CDON: variants seen among roughly 807,000 people sequenced by gnomAD.
CDON encodes cell adhesion molecule-related/down-regulated by oncogenes.
A neutral mutation model predicts 120.9 loss-of-function variants in CDON; 73 were observed. The ratio of observed to expected loss-of-function variants is 0.60; its 90% CI spans 0.50 to 0.73. CDON has a LOEUF of 0.73. Among genes scored for constraint, CDON ranks in the 30% least tolerant of loss-of-function variants. The pLI, the probability that CDON is intolerant of heterozygous loss-of-function variation, is 0.00. For synonymous variants in CDON, 566 were observed against 573.5 expected (o/e 0.99, Z 0.19); for missense variants, 1,470 against 1,587.3 (o/e 0.93, Z 1.26).
chr11:126,057,352 CATAA>C (rs1948705125), intron 1 of CDON, among the ~76,000 whole-genome samples: 1 of 152,156 alleles, frequency 6.6e-6, no homozygotes, highest in African/African-American at 2.4e-5. Flanking sequence ...GTACTGTATA[CATAA>C]ATAAATGTTA....
chr11:125,965,029 C>G (rs547857190), intron 18 of CDON, among the ~76,000 whole-genome samples: 2 of 152,232 alleles, frequency 1.3e-5, no homozygotes, highest in East Asian at 3.9e-4. Flanking sequence ...CGGGTTCAAG[C>G]AATTCTCCTG....
chr11:126,012,215 T>C (rs2134639755), intron 7 of CDON, among the ~76,000 whole-genome samples: 1 of 152,312 alleles, frequency 6.6e-6, no homozygotes, highest in East Asian at 1.9e-4. Context: ...TGATGGGATT[T>C]TAATTTGAAT....
In CDON at chr11:125,960,515, G is replaced by A. The variant is rs1945613225; in HGVS notation, c.*427C>T. 2.0e-5 allele frequency: 4 copies of A among 195,398 alleles called. No homozygotes were observed. Among genetic ancestry groups the A allele is most frequent in the Non-Finnish European group, 4.2e-5 (4 of 95,054 alleles). The allele number at this position is 195,398 out of a possible 1,614,324, so 12.1% of individuals were successfully genotyped here. A position where few individuals can be genotyped will look rare whatever the true frequency, so the allele number is the denominator to read the frequency against. ...AAAAAACAAACAAAAAAAAGTCTGA[G>A]AATACACTATTGAAAGACCATTTTC... is the stretch of plus-strand genomic sequence containing the variant. On this transcript the variant is annotated 3_prime_UTR_variant, in exon 20 of 20. Coordinates refer to ENST00000531738, the MANE Select transcript of CDON (RefSeq NM_001378964.1).
At position 125,984,111 on chromosome 11, in the gene CDON, G is replaced by A. The variant is rs1368482445; in HGVS notation, c.2774-18C>T. Reference sequence around the variant, plus strand: ...ACGTTTCACTAGTTGAAATATAAAGGAAAACATGATGTCAGAGTGAATACA... The same window carrying A: ...ACGTTTCACTAGTTGAAATATAAAGAAAAACATGATGTCAGAGTGAATACA... On this transcript the variant is annotated intron_variant, in intron 15 of 19. Coordinates refer to ENST00000531738, the MANE Select transcript of CDON (RefSeq NM_001378964.1). 6.5e-7 allele frequency: 1 copy of A among 1,536,082 alleles called. No individual in the cohort carries two copies. Among genetic ancestry groups the A allele is most frequent in the South Asian group, 1.1e-5 (1 of 89,512 alleles).
At chr11:126,016,908 T>C (rs575315863) in intron 6 of CDON, among the ~76,000 whole-genome samples, 180 bp downstream of exon 6, 15 of 152,282 alleles carry the variant, frequency 9.9e-5, no homozygotes, top group Admixed American at 8.5e-4. Flanking sequence ...AAATGCTCTA[T>C]GCCACCCAGA....
chr11:126,050,090 T>C (rs1591432822), intron 1 of CDON, among the ~76,000 whole-genome samples: 1 of 151,660 alleles, frequency 6.6e-6, no homozygotes, highest in African/African-American at 2.4e-5. Flanking sequence ...TTTAGAAGAA[T>C]GAGTTTAAAA....
At chr11:126,037,285 G>C (rs1335656185) in intron 1 of CDON, among the ~76,000 whole-genome samples, 1 of 151,938 alleles carries the variant, frequency 6.6e-6, no homozygotes, top group East Asian at 1.9e-4. Context: ...ATTTTTAGTA[G>C]AGATGGGTTT....
At chr11:126,012,565 CT>C (rs755134644) in intron 7 of CDON, among the ~76,000 whole-genome samples, 8,861 of 135,024 alleles carry the variant, frequency 0.066, 257 homozygotes, top group African/African-American at 0.11. Flanking sequence ...CCATGCCTGG[CT>C]TTTTTTTTTT....
At chr11:126,019,502 T>C (rs185059519) in intron 4 of CDON, 117 bp downstream of exon 4, 3 of 1,104,514 alleles carry the variant, frequency 2.7e-6, no homozygotes, top group Non-Finnish European at 4.1e-6. Context: ...GTTTTAGTCC[T>C]CTCCACTCAT....
intron 14 of CDON, among the ~76,000 whole-genome samples, chr11:125,993,148 T>C (rs1946677369): frequency 1.3e-5 from 2 of 152,216 alleles, no homozygotes; most frequent in South Asian, 2.1e-4. Context: ...AAGGTAGCTA[T>C]CGTGTTGCTT....
chr11:125,997,177 T>A, intron 12 of CDON, 30 bp downstream of exon 12: 1 of 1,478,728 alleles, frequency 6.8e-7, no homozygotes, highest in Non-Finnish European at 9.5e-7. Context: ...TTCACATCGA[T>A]GGTAAAAGGA....
chr11:125,968,295 C>CT lies in CDON; in HGVS notation c.3357-6298dup, dbSNP rs201323499. Among the ~76,000 whole-genome samples the CT allele has an allele frequency of 5.8e-3, 879 of 152,274 alleles. 4 individuals are homozygous for CT. The highest frequency in any genetic ancestry group is 0.019 in the African/African-American group (810 of 41,562). ...CCTTCTGCTTCCTTCTGTTTAATTT[C>CT]TTTTTTTCTGCTCTTGTCTTTAATT... On this transcript the variant is annotated intron_variant, in intron 18 of 19. Transcript: ENST00000531738.
At chr11:125,972,374 C>T (rs765339443) in intron 18 of CDON, among the ~76,000 whole-genome samples, 1 of 151,988 alleles carries the variant, frequency 6.6e-6, no homozygotes, top group Non-Finnish European at 1.5e-5. Flanking sequence ...TTGCAGTGAG[C>T]CAAGACTACA....
chr11:126,004,079 G>T lies in CDON; in HGVS notation c.1852-3C>A. ...AGCATGCCAACCCCATCATCCAGCT[G>T]CCCAAGAGAAAACACACCAGAAAAG... On this transcript the variant is annotated splice_polypyrimidine_tract_variant and splice_region_variant and intron_variant, in intron 9 of 19. Transcript: ENST00000531738. 1.2e-6 allele frequency: 2 copies of T among 1,613,630 alleles called. No homozygotes were observed. Among genetic ancestry groups the T allele is most frequent in the Non-Finnish European group, 8.5e-7 (1 of 1,179,898 alleles).
At chr11:126,023,290 G>C in intron 2 of CDON, 111 bp downstream of exon 2, 1 of 823,966 alleles carries the variant, frequency 1.2e-6, no homozygotes, top group African/African-American at 1.7e-5. Flanking sequence ...ACCAATCTTA[G>C]AAACATCTTT....
intron 2 of CDON, 56 bp from the exon 3 acceptor site, chr11:126,021,576 A>C: frequency 6.8e-7 from 1 of 1,476,748 alleles, no homozygotes; most frequent in Non-Finnish European, 9.4e-7. Context: ...GAGGAGAGAG[A>C]AAGAAGATTA....
In CDON at chr11:125,959,335, TA is replaced by T. The variant is rs1398641317; in HGVS notation, c.*1606del. 6.6e-6 allele frequency: 1 copy of T among 152,226 alleles called. No homozygotes were observed. The highest frequency in any genetic ancestry group is 1.5e-5 in the Non-Finnish European group (1 of 68,036). The allele number at this position is 152,226 out of a possible 1,614,324, so 9.4% of individuals were successfully genotyped here. Reference sequence around the variant, plus strand: ...ATTGCTTGACTCTATAGAAAGAGAATAATTTTCTGTTTCTTTCCCCAAAGGG... The same window carrying T: ...ATTGCTTGACTCTATAGAAAGAGAATATTTTCTGTTTCTTTCCCCAAAGGG... On this transcript the variant is annotated 3_prime_UTR_variant, in exon 20 of 20. Coordinates refer to ENST00000531738, the MANE Select transcript of CDON (RefSeq NM_001378964.1).
rs1591539646 is a variant in CDON at position 125,961,874 on chromosome 11, G to A, written c.3481C>T (p.Leu1161=). ...CCACAATCAGGGACTGCGGAAGTCAGGCATACAGGCACCTTCACGTGACTG... is the reference window on the plus strand; with the variant it reads ...CCACAATCAGGGACTGCGGAAGTCAAGCATACAGGCACCTTCACGTGACTG... The part of the protein sequence containing the change: ...PLSHVKVPVC[L]TSAVPDCGQL... Residue 1161 remains leucine (L), a synonymous_variant, in exon 19 of 20, where the codon CTG becomes TTG. Coordinates refer to ENST00000531738, the MANE Select transcript of CDON (RefSeq NM_001378964.1). The A allele has an allele frequency of 2.5e-6, 4 of 1,614,182 alleles. No individual in the cohort carries two copies. Among genetic ancestry groups the A allele is most frequent in the Non-Finnish European group, 3.4e-6 (4 of 1,180,022 alleles).
At chr11:126,055,116 TG>T (rs1948652450) in intron 1 of CDON, among the ~76,000 whole-genome samples, 1 of 152,074 alleles carries the variant, frequency 6.6e-6, no homozygotes, top group Non-Finnish European at 1.5e-5. Context: ...TCAGGCAAAA[TG>T]TAAGAAAAAT....
Sources: allele counts gnomAD v4.1 joint callset (sites outside exome capture counted in the v4.1 genomes callset), GRCh38; gene constraint gnomAD v4.1.1; transcripts MANE v1.5; gene names NCBI Gene and HGNC (gene_info 2026-07-23, HGNC 2026-07-21).